The following KCNIP1 variants were observed in gnomAD, a reference collection of about 807,000 sequenced individuals.
KCNIP1 encodes the protein A-type potassium channel modulatory protein KCNIP1.
KCNIP1 carries 18 observed loss-of-function variants against 33.0 expected under a neutral mutation model. The observed-to-expected ratio is 0.55, with a 90% CI of 0.38 to 0.81. The LOEUF (loss-of-function observed/expected upper bound fraction) is 0.81, where lower values mean the gene tolerates loss of function less well. Ranked by LOEUF, KCNIP1 falls within the 30% of genes least tolerant of loss-of-function variation. The probability of loss-of-function intolerance (pLI) is 0.00; values close to 1 mark genes in which losing one functional copy is unlikely to be tolerated. For missense variants in KCNIP1, 238 were observed against 271.6 expected (o/e 0.88, Z 0.87); for synonymous variants, 93 against 98.3 (o/e 0.95, Z 0.32).
chr5:170,457,400 C>A (rs1394503796), intron 1 of KCNIP1, among the ~76,000 whole-genome samples: 2 of 152,166 alleles, frequency 1.3e-5, no homozygotes, highest in African/African-American at 4.8e-5. Context: ...TTAGGAGAGC[C>A]AAGAGAACCC....
chr5:170,615,658 G>A (rs184537712), intron 1 of KCNIP1, among the ~76,000 whole-genome samples: 9 of 152,294 alleles, frequency 5.9e-5, no homozygotes, highest in African/African-American at 1.9e-4. Context: ...CACTTGCCAT[G>A]GTAACAGAGG....
intron 1 of KCNIP1, among the ~76,000 whole-genome samples, chr5:170,519,213 T>C (rs1581265822): frequency 6.6e-6 from 1 of 152,172 alleles, no homozygotes; most frequent in South Asian, 2.1e-4. Context: ...GATATATGGG[T>C]CAATAATGAT....
intron 5 of KCNIP1, among the ~76,000 whole-genome samples, chr5:170,725,500 C>T (rs900729653): frequency 2.6e-5 from 4 of 151,970 alleles, no homozygotes; most frequent in East Asian, 1.9e-4. Context: ...GGCAGAAGGA[C>T]GGTTACCAGA....
At chr5:170,718,560 C>T (rs1438244873) in intron 1 of KCNIP1, among the ~76,000 whole-genome samples, 198 bp from the exon 2 acceptor site, 1 of 152,192 alleles carries the variant, frequency 6.6e-6, no homozygotes, top group Non-Finnish European at 1.5e-5. Context: ...CCGAAGCCCC[C>T]TCCCTGTGTG....
At chr5:170,618,324 G>C (rs979836614) in intron 1 of KCNIP1, among the ~76,000 whole-genome samples, 2 of 151,214 alleles carry the variant, frequency 1.3e-5, no homozygotes, top group African/African-American at 4.9e-5. Context: ...TAGTTGCAAA[G>C]TCATGTCCCC....
intron 1 of KCNIP1, chr5:170,378,575 A>T: frequency 1.0e-6 from 1 of 972,094 alleles, no homozygotes; most frequent in Non-Finnish European, 1.5e-6. Context: ...GCAACAGAAG[A>T]CAGCGTGGAT....
At chr5:170,472,336 G>A (rs1412749754) in intron 1 of KCNIP1, among the ~76,000 whole-genome samples, 5 of 152,208 alleles carry the variant, frequency 3.3e-5, no homozygotes, top group Non-Finnish European at 7.3e-5. Context: ...CTGGGGCGGC[G>A]CCTGCCCCAC....
chr5:170,444,971 T>TCG (rs1756077836), intron 1 of KCNIP1, among the ~76,000 whole-genome samples: 1 of 152,168 alleles, frequency 6.6e-6, no homozygotes. Flanking sequence ...ACACAAACCC[T>TCG]CGCTTTCCAA....
chr5:170,719,365 T>A (rs912476781), intron 2 of KCNIP1, among the ~76,000 whole-genome samples: 6 of 152,148 alleles, frequency 3.9e-5, no homozygotes, highest in African/African-American at 1.4e-4. Flanking sequence ...GGAAGCCACA[T>A]GGAAGCCAGG....
intron 1 of KCNIP1, among the ~76,000 whole-genome samples, chr5:170,380,796 A>G (rs1477682868): frequency 6.6e-6 from 1 of 152,156 alleles, no homozygotes; most frequent in Non-Finnish European, 1.5e-5. Flanking sequence ...CAGTGTGGCT[A>G]TGGAGTCAGA....
In KCNIP1 at chr5:170,735,973, T is replaced by A; in HGVS notation, c.*167T>A. 1 of 597,066 alleles carries A rather than the reference T, an allele frequency of 1.7e-6. No homozygotes were observed. The highest frequency in any genetic ancestry group is 3.0e-6 in the Non-Finnish European group (1 of 335,510). The allele number at this position is 597,066 out of a possible 1,614,324, so 37.0% of individuals were successfully genotyped here. ...AGACTTTCTATGGAACCCAGCATCA[T>A]GTGGCTCAGTCTCTGATTGCCAACT... On this transcript the variant is annotated 3_prime_UTR_variant, in exon 8 of 8. Transcript: ENST00000328939.
At chr5:170,467,367 T>C (rs78781076) in intron 1 of KCNIP1, among the ~76,000 whole-genome samples, 2,005 of 152,240 alleles carry the variant, frequency 0.013, 47 homozygotes, top group East Asian at 0.056. Context: ...ATCAGGCAAG[T>C]ATGGCAAAGA....
intron 1 of KCNIP1, among the ~76,000 whole-genome samples, chr5:170,679,559 C>A (rs914301695): frequency 8.6e-5 from 13 of 151,928 alleles, no homozygotes; most frequent in African/African-American, 3.1e-4. Flanking sequence ...TTCCTCAGTT[C>A]TCTCCAGAGG....
At chr5:170,428,011 C>T (rs1231333890) in intron 1 of KCNIP1, among the ~76,000 whole-genome samples, 1 of 152,228 alleles carries the variant, frequency 6.6e-6, no homozygotes, top group East Asian at 1.9e-4. Context: ...TTCCTCTCTC[C>T]TCCACGTGGT....
At chr5:170,503,972 C>T (rs1754588714), upstream of KCNIP1, 1 of 855,256 alleles carries the variant, frequency 1.2e-6, no homozygotes, top group Non-Finnish European at 1.4e-6. Context: ...CCCCGCCCCT[C>T]CGTAGTTGCC....
At chr5:170,666,495 T>G (rs1761709972) in intron 1 of KCNIP1, among the ~76,000 whole-genome samples, 1 of 152,194 alleles carries the variant, frequency 6.6e-6, no homozygotes, top group South Asian at 2.1e-4. Flanking sequence ...GGCTGTCATT[T>G]TGTTTTGTCT....
At chr5:170,586,682 T>C (rs78873862) in intron 1 of KCNIP1, among the ~76,000 whole-genome samples, 13,176 of 152,284 alleles carry the variant, frequency 0.087, 642 homozygotes, top group South Asian at 0.12. Context: ...AGCACAGTAC[T>C]TGGCCTAGTG....
At chr5:170,383,720 C>G (rs371750445) in intron 1 of KCNIP1, 2 of 1,614,184 alleles carry the variant, frequency 1.2e-6, no homozygotes, top group Non-Finnish European at 8.5e-7. Flanking sequence ...TGGTACAGCA[C>G]AGCCCACCTG....
chr5:170,579,961 C>T (rs1757732279), intron 1 of KCNIP1, among the ~76,000 whole-genome samples: 1 of 150,878 alleles, frequency 6.6e-6, no homozygotes, highest in African/African-American at 2.5e-5. Context: ...ATGAACAGCC[C>T]TAAATAGGAA....
Sources: gnomAD v4.1 joint callset for allele counts (sites outside exome capture counted in the v4.1 genomes callset) on GRCh38, gnomAD v4.1.1 for gene constraint, MANE v1.5 for transcripts, NCBI Gene and HGNC (gene_info 2026-07-23, HGNC 2026-07-21) for gene names.